CAMTA1: variants seen among roughly 807,000 people sequenced by gnomAD.
CAMTA1 encodes the protein calmodulin-binding transcription activator 1.
Under a neutral mutation model 170.9 loss-of-function variants are expected in CAMTA1, and 27 were observed. That is an observed-to-expected ratio of 0.16 (90% CI 0.12 to 0.22). CAMTA1 has a LOEUF of 0.22. CAMTA1 is among the 10% of genes least tolerant of loss of function. CAMTA1 has a pLI of 1.00. For synonymous variants in CAMTA1, 833 were observed against 891.5 expected, an observed-to-expected ratio of 0.93 and a Z score of 1.17; for missense variants, 1,619 against 2,217.2, an observed-to-expected ratio of 0.73 and a Z score of 5.42.
rs1333225255 is a variant in CAMTA1, at chr1:7,673,955, G to T, written c.2779+2918G>T. ...CCAGGGAGGAGTGCAGTGCGCAAATGAATCACTGCTCCGGAGATGACGCTG... is the reference window on the plus strand; with the variant it reads ...CCAGGGAGGAGTGCAGTGCGCAAATTAATCACTGCTCCGGAGATGACGCTG... On this transcript the variant is annotated intron_variant, in intron 10 of 22. Transcript: ENST00000303635. The surrounding 1 kb of genome is among the most constrained non-coding windows in gnomAD (Gnocchi z 4.6). 6.6e-6 allele frequency among the ~76,000 whole-genome samples: 1 copy of T among 152,134 alleles called. No homozygotes were observed.
chr1:7,130,799 T>G lies in CAMTA1; in HGVS notation c.302+39428T>G, dbSNP rs532287468. ...CTGTTTGCTATCCATATATCTCTCT[T>G]CTGCAATGAAGTACATATTCCAATC... On this transcript the variant is annotated intron_variant, in intron 4 of 22. Coordinates refer to ENST00000303635, the MANE Select transcript of CAMTA1 (RefSeq NM_015215.4). Among the ~76,000 whole-genome samples the G allele has an allele frequency of 5.9e-5, 9 of 152,356 alleles. No individual in the cohort carries two copies. The South Asian group carries it at 1.9e-3, about 32-fold the overall frequency.
intron 7 of CAMTA1, among the ~76,000 whole-genome samples, chr1:7,648,493 G>A (rs1406240319): frequency 6.6e-6 from 1 of 152,176 alleles, no homozygotes; most frequent in African/African-American, 2.4e-5. Context: ...GATCAGCCCC[G>A]GGTGGGAGAG....
At chr1:7,061,703 C>T (rs1048648428) in intron 3 of CAMTA1, among the ~76,000 whole-genome samples, 8 of 35,426 alleles carry the variant, frequency 2.3e-4, no homozygotes, top group Admixed American at 3.6e-4. Context: ...GGGGTGGTGG[C>T]GGCAGAGGAG....
intron 6 of CAMTA1, among the ~76,000 whole-genome samples, chr1:7,566,285 A>G (rs2095041257): frequency 6.6e-6 from 1 of 152,162 alleles, no homozygotes; most frequent in Non-Finnish European, 1.5e-5. Flanking sequence ...GCAAAGAGCC[A>G]TCGACCCTGT....
At chr1:7,461,566 C>T (rs1052138258) in intron 5 of CAMTA1, among the ~76,000 whole-genome samples, 3 of 152,182 alleles carry the variant, frequency 2.0e-5, no homozygotes, top group Non-Finnish European at 4.4e-5. Context: ...TTAGATAGCC[C>T]AGCTTTAAAG....
chr1:7,420,433 C>A (rs957889904), intron 5 of CAMTA1, among the ~76,000 whole-genome samples: 1 of 152,088 alleles, frequency 6.6e-6, no homozygotes, highest in Non-Finnish European at 1.5e-5. Flanking sequence ...TTCGTGGGGC[C>A]ACATGTGTTT....
At chr1:7,380,653 A>G (rs2087224737) in intron 5 of CAMTA1, among the ~76,000 whole-genome samples, 1 of 152,258 alleles carries the variant, frequency 6.6e-6, no homozygotes, top group African/African-American at 2.4e-5. Context: ...TTTAGGGCCT[A>G]GTTCCATCAG....
At chr1:7,306,619 C>T (rs1287118387) in intron 5 of CAMTA1, among the ~76,000 whole-genome samples, 1 of 151,946 alleles carries the variant, frequency 6.6e-6, no homozygotes, top group Non-Finnish European at 1.5e-5. Context: ...ATACTAATTA[C>T]TTTGCCTTTC....
chr1:6,943,846 CAAAAAA>C (rs1198830005), intron 3 of CAMTA1, among the ~76,000 whole-genome samples: 6 of 51,700 alleles, frequency 1.2e-4, no homozygotes, highest in African/African-American at 3.7e-4. Context: ...GACTCTGTCT[CAAAAAA>C]AAAAAAAAAA....
chr1:7,623,740 C>A (rs915132550), intron 6 of CAMTA1, among the ~76,000 whole-genome samples: 3 of 152,222 alleles, frequency 2.0e-5, no homozygotes, highest in African/African-American at 7.2e-5. Flanking sequence ...TCAGGTGTTC[C>A]GCCCGCCTCG....
Position 7,541,320 on chromosome 1 carries a change from G to A in CAMTA1, c.510+73419G>A, listed in dbSNP as rs190592218. 7.2e-4 allele frequency among the ~76,000 whole-genome samples: 109 copies of A among 152,328 alleles called. 2 individuals carry two copies. The highest frequency in any genetic ancestry group is 7.1e-3 in the Admixed American group (108 of 15,300). On this transcript the variant is annotated intron_variant, in intron 6 of 22. Transcript: ENST00000303635. The stretch of plus-strand genomic sequence containing the variant: ...AAAATGATACCTCTAGACAGATCTC[G>A]TCCATGCTGCCTTGGCTTTGAGGAA...
chr1:7,151,182 G>A (rs114525404), intron 4 of CAMTA1, among the ~76,000 whole-genome samples: 12 of 152,360 alleles, frequency 7.9e-5, no homozygotes, highest in African/African-American at 2.4e-4. Context: ...CTTGGCCAGC[G>A]CTGGCGTTCG....
intron 3 of CAMTA1, among the ~76,000 whole-genome samples, chr1:6,958,153 T>A (rs1689777353): frequency 6.6e-6 from 1 of 152,146 alleles, no homozygotes; most frequent in African/African-American, 2.4e-5. Flanking sequence ...ACCCTTTCCT[T>A]CCTGGAGAAC....
intron 5 of CAMTA1, among the ~76,000 whole-genome samples, chr1:7,450,273 A>C (rs981565922): frequency 2.0e-5 from 3 of 152,238 alleles, no homozygotes; most frequent in Non-Finnish European, 4.4e-5. Context: ...ATGGGTGCCC[A>C]TCAGCCAGCC....
intron 4 of CAMTA1, among the ~76,000 whole-genome samples, chr1:7,135,950 T>C (rs147663396): frequency 1.8e-3 from 271 of 152,308 alleles, no homozygotes; most frequent in African/African-American, 6.2e-3. Flanking sequence ...ACCTCTATGG[T>C]ACTTACCTGG....
intron 3 of CAMTA1, among the ~76,000 whole-genome samples, chr1:7,040,699 T>C (rs1205802998): frequency 6.6e-6 from 1 of 151,362 alleles, no homozygotes; most frequent in Non-Finnish European, 1.5e-5. Context: ...CCTAGGACTT[T>C]CTGCCTTGGC....
chr1:7,318,755 G>A (rs1315299593), intron 5 of CAMTA1, among the ~76,000 whole-genome samples: 1 of 152,202 alleles, frequency 6.6e-6, no homozygotes, highest in African/African-American at 2.4e-5. Flanking sequence ...GGCCTCACAT[G>A]TTACCAATGA....
intron 3 of CAMTA1, among the ~76,000 whole-genome samples, chr1:6,933,016 T>C (rs1482407727): frequency 6.6e-6 from 1 of 152,150 alleles, no homozygotes; most frequent in Non-Finnish European, 1.5e-5. Context: ...TAAATCTTTT[T>C]TTTTTCTGTT....
intron 11 of CAMTA1, among the ~76,000 whole-genome samples, chr1:7,721,879 G>A (rs1027068247): frequency 2.0e-5 from 3 of 152,144 alleles, no homozygotes; most frequent in Non-Finnish European, 2.9e-5. Flanking sequence ...CTCCCACAGT[G>A]TTGGGATTAC....
Sources: gnomAD v4.1 joint callset for allele counts (sites outside exome capture counted in the v4.1 genomes callset) on GRCh38, gnomAD v4.1.1 for gene constraint, Gnocchi (gnomAD v3.1) non-coding constraint, MANE v1.5 for transcripts, NCBI Gene and HGNC (gene_info 2026-07-23, HGNC 2026-07-21) for gene names.